The following PGBD5 variants were observed in gnomAD, a reference collection of about 807,000 sequenced individuals.
The protein encoded by PGBD5 is piggyBac transposable element derived 5.
Under a neutral mutation model 47.9 loss-of-function variants are expected in PGBD5, and 14 were observed. The observed-to-expected ratio is 0.29, with a 90% CI of 0.19 to 0.46. PGBD5 has a LOEUF of 0.46. Ranked by LOEUF, PGBD5 falls within the 20% of genes least tolerant of loss-of-function variation. The pLI, the probability that PGBD5 is intolerant of heterozygous loss-of-function variation, is 1.00. For synonymous variants in PGBD5, 316 were observed against 306.3 expected (o/e 1.03, Z -0.33); for missense variants, 635 against 716.0 (o/e 0.89, Z 1.29).
In PGBD5 at chr1:230,316,609, T is replaced by A. The variant is rs1666954499; in HGVS notation, c.*6816A>T. On this transcript the variant is annotated 3_prime_UTR_variant, in exon 7 of 7. Transcript: ENST00000391860. ...TCCTCATCTGCCCAATTATTGTTTT[T>A]TTTTCCTACCACGACTCTTGCCAAA... 6.6e-6 allele frequency: 1 copy of A among 152,070 alleles called. No individual in the cohort carries two copies. The highest frequency in any genetic ancestry group is 6.5e-5 in the Admixed American group (1 of 15,280). The allele number at this position is 152,070 out of a possible 1,614,324, so 9.4% of individuals were successfully genotyped here.
chr1:230,356,791 C>A, intron 2 of PGBD5, 103 bp downstream of exon 2: 1 of 1,233,336 alleles, frequency 8.1e-7, no homozygotes, highest in Admixed American at 2.4e-5. Context: ...ACTCAGAGGG[C>A]AGGCAGGGCA....
chr1:230,352,440 C>G (rs942385201), intron 2 of PGBD5, among the ~76,000 whole-genome samples: 2 of 152,148 alleles, frequency 1.3e-5, no homozygotes, highest in Non-Finnish European at 2.9e-5. Flanking sequence ...GAGGATGATA[C>G]TTACCATGTG....
At chr1:230,352,619 A>T (rs1667575802) in intron 2 of PGBD5, among the ~76,000 whole-genome samples, 1 of 152,148 alleles carries the variant, frequency 6.6e-6, no homozygotes, top group African/African-American at 2.4e-5. Flanking sequence ...TAATGGACAC[A>T]TGGGGACATC....
chr1:230,409,000 T>C (rs1043148781), intron 1 of PGBD5, among the ~76,000 whole-genome samples: 1 of 152,158 alleles, frequency 6.6e-6, no homozygotes, highest in African/African-American at 2.4e-5. Context: ...TAAAGAACTC[T>C]TACAACTCAA....
intron 1 of PGBD5, among the ~76,000 whole-genome samples, chr1:230,375,880 G>A (rs539423046): frequency 3.3e-5 from 5 of 151,736 alleles, no homozygotes; most frequent in Non-Finnish European, 7.4e-5. Flanking sequence ...AGCTGAGAGT[G>A]GATTCTGGCA....
chr1:230,369,072 C>A (rs1465250146), intron 1 of PGBD5, among the ~76,000 whole-genome samples: 1 of 152,234 alleles, frequency 6.6e-6, no homozygotes, highest in Admixed American at 6.5e-5. Context: ...GCCTTGGCCA[C>A]AGGCCAGACA....
intron 1 of PGBD5, among the ~76,000 whole-genome samples, chr1:230,386,597 T>C (rs927036071): frequency 3.3e-5 from 5 of 152,210 alleles, no homozygotes; most frequent in Admixed American, 2.0e-4. Context: ...TAGAAATAAA[T>C]GGTACTTCAT....
chr1:230,405,791 T>C (rs186808249), intron 1 of PGBD5, among the ~76,000 whole-genome samples: 22 of 152,338 alleles, frequency 1.4e-4, no homozygotes, highest in African/African-American at 5.1e-4. Context: ...CAGGGGTGAA[T>C]AGTTGATGCC....
chr1:230,408,684 C>A lies in PGBD5; in HGVS notation c.331+16914G>T, dbSNP rs574644476. Reference sequence around the variant, plus strand: ...CCACATGCAAAAGAAAAAATGGAAACCTTACATCATATACCAAAAAAACTC... The same window carrying A: ...CCACATGCAAAAGAAAAAATGGAAAACTTACATCATATACCAAAAAAACTC... On this transcript the variant is annotated intron_variant, in intron 1 of 6. Coordinates refer to ENST00000391860, the MANE Select transcript of PGBD5 (RefSeq NM_001258311.2). 1.8e-3 allele frequency among the ~76,000 whole-genome samples: 267 copies of A among 152,206 alleles called. 2 individuals are homozygous for A. Among genetic ancestry groups the A allele is most frequent in the African/African-American group, 6.3e-3 (261 of 41,524 alleles).
chr1:230,344,576 C>A (rs1049566004), intron 3 of PGBD5, among the ~76,000 whole-genome samples: 1 of 152,228 alleles, frequency 6.6e-6, no homozygotes, highest in Non-Finnish European at 1.5e-5. Context: ...ACAGATGAGA[C>A]TGAGGGAGGG....
intron 1 of PGBD5, among the ~76,000 whole-genome samples, chr1:230,400,289 T>A (rs1472361175): frequency 6.6e-6 from 1 of 152,222 alleles, no homozygotes; most frequent in Non-Finnish European, 1.5e-5. Context: ...ACCTTCTGAA[T>A]CAGGCCTGCC....
chr1:230,347,740 T>C (rs76224383), intron 3 of PGBD5, among the ~76,000 whole-genome samples: 1,634 of 152,252 alleles, frequency 0.011, 35 homozygotes, highest in African/African-American at 0.036. Context: ...CAACACCTTA[T>C]CTTGGTCCAC....
rs1239625798 is a variant in PGBD5, at chr1:230,317,698, G to T, written c.*5727C>A. On this transcript the variant is annotated 3_prime_UTR_variant, in exon 7 of 7. Transcript: ENST00000391860. ...CCCTTCCACCTGAGGGAGCCAGGAG[G>T]CTTGACACGTGAGGGAAGCCGCACA... is the stretch of plus-strand genomic sequence containing the variant. 2 of 152,140 alleles carry T rather than the reference G, an allele frequency of 1.3e-5. No individual in the cohort carries two copies. Among genetic ancestry groups the T allele is most frequent in the Non-Finnish European group, 2.9e-5 (2 of 68,036 alleles). 9.4% of individuals were successfully genotyped at this position (152,140 alleles called of 1,614,324 possible).
At chr1:230,367,927 G>C (rs1325842974) in intron 1 of PGBD5, 2 of 1,357,982 alleles carry the variant, frequency 1.5e-6, no homozygotes, top group Non-Finnish European at 2.0e-6. Flanking sequence ...AAGAGAACTT[G>C]CTCAAGGTCA....
chr1:230,376,561 TG>T (rs1668018222), intron 1 of PGBD5, among the ~76,000 whole-genome samples: 1 of 132,096 alleles, frequency 7.6e-6, no homozygotes, highest in Non-Finnish European at 1.7e-5. Flanking sequence ...ATGGTTCAGT[TG>T]GATGGTTCCT....
At chr1:230,421,202 G>A (rs565765251) in intron 1 of PGBD5, among the ~76,000 whole-genome samples, 3 of 152,074 alleles carry the variant, frequency 2.0e-5, no homozygotes, top group Admixed American at 6.5e-5. Flanking sequence ...AGGCAGCTAC[G>A]CCAACCACTA....
intron 1 of PGBD5, among the ~76,000 whole-genome samples, chr1:230,409,366 C>G (rs1001170111): frequency 2.0e-5 from 3 of 152,044 alleles, no homozygotes; most frequent in African/African-American, 7.3e-5. Context: ...GGGTATATAC[C>G]CAAGAAAAAT....
At chr1:230,368,185 G>C in intron 1 of PGBD5, 1 of 1,350,714 alleles carries the variant, frequency 7.4e-7, no homozygotes, top group Non-Finnish European at 9.9e-7. Context: ...GAAGGCTTGG[G>C]GAGATGGATA....
chr1:230,343,144 A>G (rs1667431870), intron 3 of PGBD5, among the ~76,000 whole-genome samples: 1 of 152,088 alleles, frequency 6.6e-6, no homozygotes, highest in African/African-American at 2.4e-5. Context: ...GCCCAGGAAG[A>G]GCTCATGTGC....
Sources: gnomAD v4.1 joint callset for allele counts (sites outside exome capture counted in the v4.1 genomes callset) on GRCh38, gnomAD v4.1.1 for gene constraint, MANE v1.5 for transcripts, NCBI Gene and HGNC (gene_info 2026-07-23, HGNC 2026-07-21) for gene names.